Variants in XRN1 observed in about 807,000 individuals in gnomAD.
The protein encoded by XRN1 is 5'-3' exoribonuclease 1.
Under a neutral mutation model 222.3 loss-of-function variants are expected in XRN1, and 67 were observed. The ratio of observed to expected loss-of-function variants is 0.30; its 90% CI spans 0.25 to 0.37. The LOEUF (loss-of-function observed/expected upper bound fraction) is 0.37. Among genes scored for constraint, XRN1 ranks in the 10% least tolerant of loss-of-function variants. XRN1 has a pLI of 1.00. For synonymous variants in XRN1, 643 were observed against 652.4 expected, an observed-to-expected ratio of 0.99 and a Z score of 0.22; for missense variants, 1,707 against 2,000.2, an observed-to-expected ratio of 0.85 and a Z score of 2.80.
chr3:142,334,121 C>T (rs183006519), intron 34 of XRN1, among the ~76,000 whole-genome samples: 4 of 152,212 alleles, frequency 2.6e-5, no homozygotes, highest in African/African-American at 9.6e-5. Flanking sequence ...AAATACTATT[C>T]TGAGAATAAT....
At chr3:142,429,030 T>G (rs1158056610) in intron 2 of XRN1, among the ~76,000 whole-genome samples, 4 of 152,046 alleles carry the variant, frequency 2.6e-5, no homozygotes, top group African/African-American at 9.7e-5. Flanking sequence ...AGAATGTGGT[T>G]ACATGATGGT....
At chr3:142,414,038 A>G in intron 14 of XRN1, 97 bp downstream of exon 14, 3 of 1,229,636 alleles carry the variant, frequency 2.4e-6, no homozygotes, top group Non-Finnish European at 3.3e-6. Context: ...ATAACTACTT[A>G]GCTACCAAAT....
intron 37 of XRN1, among the ~76,000 whole-genome samples, chr3:142,324,423 ACTC>A (rs1277013324): frequency 1.3e-5 from 2 of 151,762 alleles, no homozygotes; most frequent in African/African-American, 4.8e-5. Context: ...AAGGACATGA[ACTC>A]ATCATTTTTT....
rs201988745 is a variant in XRN1, at chr3:142,333,108, T to C, written c.3940-19A>G. 1,187 of 1,608,160 alleles carry C rather than the reference T, an allele frequency of 7.4e-4. 6 individuals carry two copies. The highest frequency in any genetic ancestry group is 4.3e-3 in the South Asian group (384 of 89,928). On this transcript the variant is annotated intron_variant, in intron 34 of 40. Transcript: ENST00000392981. ...AGTTAGGCTAAAAGAATAAATATTT[T>C]GGGCATGAAGATGAACGTATAATAC... is the stretch of plus-strand genomic sequence containing the variant.
At chr3:142,410,983 T>C (rs2068554465) in intron 15 of XRN1, among the ~76,000 whole-genome samples, 1 of 152,222 alleles carries the variant, frequency 6.6e-6, no homozygotes, top group African/African-American at 2.4e-5. Flanking sequence ...TCTTAAATGT[T>C]TGCTAGAATT....
intron 13 of XRN1, among the ~76,000 whole-genome samples, chr3:142,414,864 C>T (rs1050536369): frequency 7.2e-5 from 11 of 152,126 alleles, no homozygotes; most frequent in African/African-American, 2.2e-4. Flanking sequence ...TTGAAAAACA[C>T]GTATAATGTA....
At chr3:142,423,484 T>A (rs2069119957) in intron 6 of XRN1, 76 bp downstream of exon 6, 1 of 1,211,208 alleles carries the variant, frequency 8.3e-7, no homozygotes, top group Non-Finnish European at 1.1e-6. Context: ...ATAAAGTATT[T>A]ACAAACATGT....
chr3:142,330,356 G>A (rs1323209576), intron 36 of XRN1, among the ~76,000 whole-genome samples: 2 of 151,910 alleles, frequency 1.3e-5, no homozygotes, highest in African/African-American at 4.8e-5. Flanking sequence ...TTTTGAAATT[G>A]TCTTCTAAGT....
At position 142,421,058 on chromosome 3, in the gene XRN1, T is replaced by C. The variant is rs762828883; in HGVS notation, c.1131A>G (p.Ala377=). The C allele has an allele frequency of 3.1e-6, 5 of 1,614,106 alleles. No individual in the cohort carries two copies. The Admixed American group carries it at 8.3e-5, about 27-fold the overall frequency. ...NKYLNEAAGV[A]AEEARNYKEK... is the part of the protein sequence containing the mutation. ...CCTTGTAGTTCCTGGCTTCTTCTGC[T>C]GCGACACCTGCTGCTTCATTGAGGT... Residue 377 remains alanine, a synonymous_variant, in exon 10 of 41, where the codon GCA becomes GCG. Coordinates refer to ENST00000392981, the MANE Select transcript of XRN1 (RefSeq NM_001282857.2).
rs1279899004 is a variant in XRN1, at chr3:142,383,339, G to A, written c.2577C>T (p.Val859=). Residue 859 remains valine, a synonymous_variant, in exon 22 of 41, where the codon GTC becomes GTT. Coordinates refer to ENST00000392981, the MANE Select transcript of XRN1 (RefSeq NM_001282857.2). ...CATAATAGGGAGTTCCCAGCATAAAGACCATACTTCTCAGAGGAAACAAAT... is the reference window on the plus strand; with the variant it reads ...CATAATAGGGAGTTCCCAGCATAAAAACCATACTTCTCAGAGGAAACAAAT... ...LDDLFPLRSM[V]FMLGTPYYGC... 1 of 1,613,954 alleles carries A rather than the reference G, an allele frequency of 6.2e-7. No individual in the cohort carries two copies. Among genetic ancestry groups the A allele is most frequent in the South Asian group, 1.1e-5 (1 of 91,018 alleles).
chr3:142,378,480 T>C (rs1312220675), intron 23 of XRN1, among the ~76,000 whole-genome samples: 2 of 152,120 alleles, frequency 1.3e-5, no homozygotes, highest in African/African-American at 2.4e-5. Context: ...AGATGCTATA[T>C]ATAGCCAGAG....
chr3:142,445,386 C>A (rs1559893307), intron 1 of XRN1, among the ~76,000 whole-genome samples: 2 of 152,020 alleles, frequency 1.3e-5, no homozygotes, highest in African/African-American at 4.8e-5. Context: ...GTTTTTATGT[C>A]TGGAGAGATA....
intron 18 of XRN1, among the ~76,000 whole-genome samples, chr3:142,401,740 G>C (rs2068142598): frequency 6.6e-6 from 1 of 151,992 alleles, no homozygotes; most frequent in South Asian, 2.1e-4. Context: ...ATAACTTCTT[G>C]ACCAAGGGCT....
intron 37 of XRN1, among the ~76,000 whole-genome samples, chr3:142,325,645 C>T (rs1206292825): frequency 6.6e-6 from 1 of 151,870 alleles, no homozygotes; most frequent in Non-Finnish European, 1.5e-5. Flanking sequence ...TGATTGTTTC[C>T]TTTGTTGTGC....
intron 39 of XRN1, chr3:142,313,140 C>T: frequency 1.2e-6 from 2 of 1,612,044 alleles, no homozygotes; most frequent in Non-Finnish European, 1.7e-6. Flanking sequence ...TCTCACCTGC[C>T]CCCAATGCAT....
intron 22 of XRN1, among the ~76,000 whole-genome samples, chr3:142,380,917 G>A (rs951281786): frequency 5.3e-5 from 8 of 151,844 alleles, no homozygotes; most frequent in African/African-American, 1.9e-4. Context: ...GCCTCTCAAT[G>A]TGCTGGGATT....
In XRN1 at chr3:142,414,228, G is replaced by A. The variant is rs761730069; in HGVS notation, c.1500C>T (p.Ile500=). The part of the protein sequence containing the change: ...SDIHNISTLK[I]HFELGKPFKP... ...TAAAAGGTTTTCCTAGTTCAAAATG[G>A]ATTTTGAGTGTACTGATGTTGTGTA... Residue 500 remains isoleucine, a synonymous_variant, in exon 14 of 41, where the codon ATC becomes ATT. Coordinates refer to ENST00000392981, the MANE Select transcript of XRN1 (RefSeq NM_001282857.2). 6.2e-7 allele frequency: 1 copy of A among 1,613,744 alleles called. No homozygotes were observed. The highest frequency in any genetic ancestry group is 8.5e-7 in the Non-Finnish European group (1 of 1,179,778).
chr3:142,415,886 G>C (rs565116286), intron 13 of XRN1, among the ~76,000 whole-genome samples: 1 of 152,190 alleles, frequency 6.6e-6, no homozygotes, highest in East Asian at 1.9e-4. Flanking sequence ...TTCTACTTTG[G>C]TGGATGGTTT....
chr3:142,355,121 T>C (rs1349808390), intron 32 of XRN1, among the ~76,000 whole-genome samples: 1 of 152,046 alleles, frequency 6.6e-6, no homozygotes, highest in African/African-American at 2.4e-5. Context: ...AAAAACCACC[T>C]ATTGGGTACT....
Sources: gnomAD v4.1 joint callset for allele counts (sites outside exome capture counted in the v4.1 genomes callset) on GRCh38, gnomAD v4.1.1 for gene constraint, MANE v1.5 for transcripts, NCBI Gene and HGNC (gene_info 2026-07-23, HGNC 2026-07-21) for gene names.